Variants in NLRP5 observed in about 807,000 individuals in gnomAD.
The protein encoded by NLRP5 is NACHT, LRR and PYD domains-containing protein 5.
NLRP5 carries 93 observed loss-of-function variants against 113.1 expected under a neutral mutation model. The ratio of observed to expected loss-of-function variants is 0.82; its 90% CI spans 0.70 to 0.98. NLRP5 has a LOEUF of 0.98. Among genes scored for constraint, NLRP5 ranks in the 50% least tolerant of loss-of-function variants. The pLI is 0.00. For missense variants in NLRP5, 1,808 were observed against 1,514.3 expected, an observed-to-expected ratio of 1.19 and a Z score of -3.22; for synonymous variants, 751 against 600.7, an observed-to-expected ratio of 1.25 and a Z score of -3.66.
Position 56,027,247 on chromosome 19 carries a change from G to T in NLRP5, c.1014G>T (p.Arg338Ser). The change falls in exon 7 of 15, where the codon AGG becomes AGT. Residue 338 changes from arginine to serine, a missense_variant. Arg to Ser is a moderately radical substitution (Grantham distance 110, BLOSUM62 -1). Transcript: ENST00000390649. ...GCAGTGTCACAGAGTTCATCTCCAG[G>T]GAGTGGCCAGACTCCCAGGCTCCGG... 6.2e-7 allele frequency: 1 copy of T among 1,612,604 alleles called. No individual in the cohort carries two copies. Among genetic ancestry groups the T allele is most frequent in the South Asian group, 1.1e-5 (1 of 90,964 alleles).
chr19:55,997,007 GACTT>G (rs955866676), upstream of NLRP5, among the ~76,000 whole-genome samples: 9 of 120,060 alleles, frequency 7.5e-5, no homozygotes, highest in African/African-American at 3.1e-4. Context: ...GTTGTTTCCT[GACTT>G]TTTAATGATC....
rs527963746 is a variant in NLRP5, at chr19:56,025,479, C to T, written c.680-1434C>T. Among the ~76,000 whole-genome samples, 25 of 152,016 alleles carry T rather than the reference C, an allele frequency of 1.6e-4. No homozygotes were observed. In the South Asian group the frequency reaches 2.3e-3, roughly 14 times the overall value. Reference sequence around the variant, plus strand: ...GGAGTGCAGTGGCACAATCTTGGCTCGCTGCAAGCTCCACCTTCTGCGTTC... The same window carrying T: ...GGAGTGCAGTGGCACAATCTTGGCTTGCTGCAAGCTCCACCTTCTGCGTTC... On this transcript the variant is annotated intron_variant, in intron 6 of 14. Transcript: ENST00000390649.
chr19:56,030,714 CTTTTTTT>C (rs770624516), intron 7 of NLRP5, among the ~76,000 whole-genome samples: 1 of 71,350 alleles, frequency 1.4e-5, no homozygotes, highest in East Asian at 5.0e-4. Context: ...CTTTCTTCTT[CTTTTTTT>C]TTTTTTTTTT....
the NLRP5 span, chr19:55,987,810 C>A: frequency 6.2e-7 from 1 of 1,611,974 alleles, no homozygotes. Context: ...TTACCTCCCT[C>A]CAGCTGTATT....
At chr19:56,014,306 C>G (rs1982322162) in intron 3 of NLRP5, among the ~76,000 whole-genome samples, 4 of 151,942 alleles carry the variant, frequency 2.6e-5, no homozygotes, top group South Asian at 2.1e-4. Flanking sequence ...TGGTGAAACC[C>G]TGTCTCTACT....
At chr19:56,022,651 C>T (rs907719336) in intron 6 of NLRP5, among the ~76,000 whole-genome samples, 1 of 152,024 alleles carries the variant, frequency 6.6e-6, no homozygotes, top group Non-Finnish European at 1.5e-5. Flanking sequence ...ATCACAAACA[C>T]AACCTTTTTT....
At chr19:56,005,509 C>CAA (rs1981860624) in intron 2 of NLRP5, among the ~76,000 whole-genome samples, 4 of 147,924 alleles carry the variant, frequency 2.7e-5, no homozygotes, top group Non-Finnish European at 4.4e-5. Context: ...TGCCTGTACA[C>CAA]ATATATATTT....
chr19:56,008,361 A>G (rs1982032122), intron 2 of NLRP5, among the ~76,000 whole-genome samples: 1 of 152,102 alleles, frequency 6.6e-6, no homozygotes, highest in South Asian at 2.1e-4. Flanking sequence ...TTTTGCAAAA[A>G]GTAGATTGGG....
At chr19:56,040,070 C>T (rs994351769) in intron 10 of NLRP5, among the ~76,000 whole-genome samples, 1 of 152,166 alleles carries the variant, frequency 6.6e-6, no homozygotes, top group East Asian at 1.9e-4. Flanking sequence ...CCTGCCTCAG[C>T]TTCCCAAGTA....
intron 11 of NLRP5, among the ~76,000 whole-genome samples, chr19:56,048,041 C>G (rs760953854): frequency 3.3e-5 from 5 of 152,078 alleles, no homozygotes; most frequent in African/African-American, 7.2e-5. Flanking sequence ...GAATAGTTAC[C>G]CCTGCTCGCT....
At chr19:56,038,865 G>A (rs766380176) in intron 10 of NLRP5, among the ~76,000 whole-genome samples, 2 of 152,146 alleles carry the variant, frequency 1.3e-5, no homozygotes, top group Non-Finnish European at 2.9e-5. Context: ...CAGGCTGAGT[G>A]CAGTGGTAAG....
chr19:56,046,165 C>G (rs968858744), intron 11 of NLRP5, among the ~76,000 whole-genome samples: 4 of 152,180 alleles, frequency 2.6e-5, no homozygotes, highest in African/African-American at 9.7e-5. Context: ...AATCATAAAG[C>G]ATTGCTGGAT....
rs979044537 is a variant in NLRP5 at position 56,050,584 on chromosome 19, C to G, written c.3124C>G (p.Leu1042Val). The change falls in exon 12 of 15, where the codon CTG (leucine) becomes GTG (valine). Residue 1042 changes from leucine to valine, a missense_variant. By Grantham distance (32) the Leu-to-Val change is conservative. Transcript: ENST00000390649. ...AGAACCATCTTGTCATCTCCAGGACCTGGAGTGAGTTTCCCATGGGCGTTG... is the reference window on the plus strand; with the variant it reads ...AGAACCATCTTGTCATCTCCAGGACGTGGAGTGAGTTTCCCATGGGCGTTG... 1 of 1,613,192 alleles carries G rather than the reference C, an allele frequency of 6.2e-7. No individual in the cohort carries two copies. The highest frequency in any genetic ancestry group is 8.5e-7 in the Non-Finnish European group (1 of 1,179,520).
chr19:56,053,909 G>GA, intron 13 of NLRP5, 101 bp downstream of exon 13: 1 of 1,119,416 alleles, frequency 8.9e-7, no homozygotes. Flanking sequence ...TGGTTTCCAT[G>GA]AGTCCCTCAA....
chr19:55,990,114 G>A, the NLRP5 span, among the ~76,000 whole-genome samples: 37 of 85,422 alleles, frequency 4.3e-4, no homozygotes, highest in East Asian at 0.015. Flanking sequence ...TTTTGAGACA[G>A]TGTCTTACTC....
chr19:56,036,276 C>G (rs1305554537), intron 9 of NLRP5, among the ~76,000 whole-genome samples: 1 of 151,726 alleles, frequency 6.6e-6, no homozygotes, highest in Non-Finnish European at 1.5e-5. Context: ...ACCAGGTTAG[C>G]CAGGATGGTC....
At chr19:56,009,604 A>G (rs1036029608) in intron 3 of NLRP5, among the ~76,000 whole-genome samples, 5 of 152,190 alleles carry the variant, frequency 3.3e-5, no homozygotes, top group Admixed American at 6.5e-5. Context: ...CGTGTTCATG[A>G]AATTCACACA....
chr19:55,994,486 C>T, the NLRP5 span, among the ~76,000 whole-genome samples: 9 of 152,214 alleles, frequency 5.9e-5, no homozygotes, highest in Non-Finnish European at 1.3e-4. Context: ...TAACCTCCAA[C>T]TCCCTAGTTC....
chr19:56,048,202 G>GT (rs1215724232), intron 11 of NLRP5, among the ~76,000 whole-genome samples: 3 of 152,124 alleles, frequency 2.0e-5, no homozygotes, highest in African/African-American at 7.2e-5. Flanking sequence ...CGTTTGGACC[G>GT]TTTACATTCA....
Sources: gnomAD v4.1 joint callset for allele counts (sites outside exome capture counted in the v4.1 genomes callset) on GRCh38, gnomAD v4.1.1 for gene constraint, MANE v1.5 for transcripts, NCBI Gene and HGNC (gene_info 2026-07-23, HGNC 2026-07-21) for gene names.